The following ARID2 variants were observed in gnomAD, a reference collection of about 807,000 sequenced individuals.
ARID2 encodes AT-rich interaction domain 2.
A neutral mutation model predicts 184.6 loss-of-function variants in ARID2; 32 were observed. That is an observed-to-expected ratio of 0.17 (90% CI 0.13 to 0.23). The LOEUF (loss-of-function observed/expected upper bound fraction) is 0.23. Ranked by LOEUF, ARID2 falls within the 10% of genes least tolerant of loss-of-function variation. ARID2 has a pLI of 1.00. For missense variants in ARID2, 1,696 were observed against 2,197.6 expected (o/e 0.77, Z 4.56); for synonymous variants, 836 against 772.6 (o/e 1.08, Z -1.36).
chr12:45,876,273 G>C (rs1385979948), intron 16 of ARID2, among the ~76,000 whole-genome samples: 2 of 152,172 alleles, frequency 1.3e-5, no homozygotes, highest in Non-Finnish European at 1.5e-5. Context: ...ACATTTGGCT[G>C]GGTGCAGTGG....
At chr12:45,892,316 T>A (rs935684811) in intron 18 of ARID2, among the ~76,000 whole-genome samples, 10 of 152,200 alleles carry the variant, frequency 6.6e-5, no homozygotes, top group Admixed American at 3.3e-4. Flanking sequence ...ACCTTTCAGC[T>A]CTAACACTGA....
At chr12:45,853,417 G>A (rs922343825) in intron 15 of ARID2, among the ~76,000 whole-genome samples, 3 of 152,090 alleles carry the variant, frequency 2.0e-5, no homozygotes, top group African/African-American at 7.2e-5. Flanking sequence ...ATTATTTATT[G>A]TAATTTCAAT....
rs1004162984 is a variant in ARID2, at chr12:45,851,320, C to T, written c.3197C>T (p.Pro1066Leu). 4.3e-6 allele frequency: 7 copies of T among 1,613,984 alleles called. No homozygotes were observed. The highest frequency in any genetic ancestry group is 1.3e-5 in the African/African-American group (1 of 74,884). ...AGTCTGATTAAACAGCTTCTGCTTC[C>T]GAAACGTGGTCCTTCAACACCAGGT... Reference protein sequence around the residue: ...ESSLIKQLLLPKRGPSTPGGK... With the variant: ...ESSLIKQLLLLKRGPSTPGGK... The change falls in exon 15 of 21, where the codon CCG becomes CTG. Residue 1066 changes from proline (P) to leucine (L), a missense_variant. This residue lies in a region of ARID2 where 713 missense variants were observed against 824.4 expected (regional missense o/e 0.86). Transcript: ENST00000334344.
intron 5 of ARID2, among the ~76,000 whole-genome samples, chr12:45,819,737 G>GT (rs965525085): frequency 9.4e-5 from 14 of 148,588 alleles, no homozygotes; most frequent in African/African-American, 2.2e-4. Context: ...TTTTTTGTTT[G>GT]TTTTTTTGGG....
At chr12:45,853,831 A>G (rs1943599117) in intron 15 of ARID2, among the ~76,000 whole-genome samples, 1 of 152,198 alleles carries the variant, frequency 6.6e-6, no homozygotes, top group Non-Finnish European at 1.5e-5. Context: ...TGCCAAATCT[A>G]GGTGTGGGCA....
rs1482596075 is a variant in ARID2 at position 45,893,562 on chromosome 12, C to G, written c.5271+19C>G. ...TTTTACAGTAAGCATGCCTTGAAAC[C>G]CTTATCTGTAAAAGTCTGAGTCCTG... On this transcript the variant is annotated intron_variant, in intron 19 of 20. Coordinates refer to ENST00000334344, the MANE Select transcript of ARID2 (RefSeq NM_152641.4). 6.2e-6 allele frequency: 10 copies of G among 1,612,140 alleles called. No individual in the cohort carries two copies. The South Asian group carries it at 1.1e-4, about 18-fold the overall frequency.
At chr12:45,771,043 T>A (rs1941865693) in intron 3 of ARID2, among the ~76,000 whole-genome samples, 1 of 152,172 alleles carries the variant, frequency 6.6e-6, no homozygotes, top group Admixed American at 6.5e-5. Context: ...TCCCACATAG[T>A]AATTTAAATC....
Position 45,852,067 on chromosome 12 carries a change from A to G in ARID2, c.3944A>G (p.Glu1315Gly), listed in dbSNP as rs1482612658. 6.2e-7 allele frequency: 1 copy of G among 1,614,110 alleles called. No homozygotes were observed. ...TCAAACTCAGGGAAAATTCAAAGTG[A>G]GACTAATCAGTGCTCACTAATCAGT... The part of the protein sequence containing the change: ...PPSNSGKIQS[E>G]TNQCSLISNG... Residue 1315 changes from glutamate (E) to glycine (G), a missense_variant, in exon 15 of 21, where the codon GAG (glutamate) becomes GGG (glycine). Coordinates refer to ENST00000334344, the MANE Select transcript of ARID2 (RefSeq NM_152641.4).
chr12:45,903,378 A>T (rs1438639678), intron 20 of ARID2, among the ~76,000 whole-genome samples: 3 of 152,208 alleles, frequency 2.0e-5, no homozygotes, highest in Non-Finnish European at 2.9e-5. Context: ...GACTCATAAG[A>T]TGTTAAAAGT....
chr12:45,740,177 T>C (rs1941221856), intron 3 of ARID2, among the ~76,000 whole-genome samples: 1 of 152,222 alleles, frequency 6.6e-6, no homozygotes, highest in Non-Finnish European at 1.5e-5. Context: ...TAGCCTCATA[T>C]TGCAATGTAG....
intron 3 of ARID2, among the ~76,000 whole-genome samples, chr12:45,732,686 A>G (rs1359365711): frequency 1.3e-5 from 2 of 152,154 alleles, no homozygotes. Flanking sequence ...TTCTGGTTTT[A>G]TGTTTTTATC....
chr12:45,737,221 A>G (rs1460393426), intron 3 of ARID2, among the ~76,000 whole-genome samples: 2 of 152,160 alleles, frequency 1.3e-5, no homozygotes, highest in Admixed American at 6.5e-5. Context: ...CAAAAATGAT[A>G]GACCCATATT....
chr12:45,828,146 A>T (rs754349964), intron 6 of ARID2, among the ~76,000 whole-genome samples: 2 of 151,898 alleles, frequency 1.3e-5, no homozygotes, highest in African/African-American at 2.4e-5. Context: ...CATTATCAAC[A>T]CCTCTGAAGT....
intron 16 of ARID2, among the ~76,000 whole-genome samples, chr12:45,866,054 T>C (rs371057961): frequency 1.3e-5 from 2 of 152,094 alleles, no homozygotes; most frequent in South Asian, 4.1e-4. Flanking sequence ...TATACTATAT[T>C]GTACATGAAA....
At chr12:45,770,189 A>C (rs1941843863) in intron 3 of ARID2, among the ~76,000 whole-genome samples, 1 of 151,690 alleles carries the variant, frequency 6.6e-6, no homozygotes, top group South Asian at 2.1e-4. Flanking sequence ...GGAGGCAGAG[A>C]TTGCAGTGAG....
At chr12:45,830,453 C>T (rs932432873) in intron 6 of ARID2, among the ~76,000 whole-genome samples, 3 of 152,062 alleles carry the variant, frequency 2.0e-5, no homozygotes, top group Middle Eastern at 3.2e-3. Flanking sequence ...CCCAAAACTA[C>T]GGTAGAGACA....
intron 16 of ARID2, among the ~76,000 whole-genome samples, chr12:45,867,028 G>A (rs1264213596): frequency 1.3e-5 from 2 of 151,998 alleles, no homozygotes; most frequent in Admixed American, 6.6e-5. Context: ...TCGGCTCACT[G>A]CAACCTCCAC....
intron 3 of ARID2, among the ~76,000 whole-genome samples, chr12:45,784,320 C>G (rs1942153299): frequency 6.6e-6 from 1 of 151,948 alleles, no homozygotes; most frequent in Admixed American, 6.6e-5. Context: ...AGTATCCAGC[C>G]AAATATGCAA....
intron 3 of ARID2, among the ~76,000 whole-genome samples, chr12:45,797,101 A>T (rs575397287): frequency 3.5e-4 from 52 of 148,446 alleles, no homozygotes; most frequent in Non-Finnish European, 4.7e-4. Flanking sequence ...TTATAATATC[A>T]ATCCTTTTTA....
Sources: allele counts gnomAD v4.1 joint callset (sites outside exome capture counted in the v4.1 genomes callset), GRCh38; gene constraint gnomAD v4.1.1; regional missense constraint gnomAD v4.1.1; transcripts MANE v1.5; gene names NCBI Gene and HGNC (gene_info 2026-07-23, HGNC 2026-07-21).